Variants in ELOC observed in about 807,000 individuals in gnomAD.
The protein encoded by ELOC is elongin-C.
For missense variants in ELOC, 38 were observed against 139.0 expected (o/e 0.27, Z 3.65); for synonymous variants, 40 against 51.3 (o/e 0.78, Z 0.94).
rs530007053 is a variant in ELOC, at chr8:73,952,555, C to A, written c.148+3356G>T. Among the ~76,000 whole-genome samples the A allele has an allele frequency of 3.3e-3, 489 of 148,722 alleles. 1 individual carries two copies. Among genetic ancestry groups the A allele is most frequent in the Admixed American group, 6.4e-3 (95 of 14,856 alleles). ...CAGCACTTTGGGAGGCTGAGATGGG[C>A]GGATCATGAGGTCAGGAGATCAAGA... is the stretch of plus-strand genomic sequence containing the variant. On this transcript the variant is annotated intron_variant, in intron 3 of 3. Transcript: ENST00000520242.
At chr8:73,960,947 AAAAT>A (rs34735828) in intron 1 of ELOC, among the ~76,000 whole-genome samples, 85,774 of 150,970 alleles carry the variant, frequency 0.57, 25,809 homozygotes, top group African/African-American at 0.78. Flanking sequence ...TCCTATCTCT[AAAAT>A]AAATAAATAA....
At chr8:73,970,285 A>T (rs1187789252) in intron 1 of ELOC, among the ~76,000 whole-genome samples, 2 of 152,226 alleles carry the variant, frequency 1.3e-5, no homozygotes, top group African/African-American at 2.4e-5. Flanking sequence ...GATTTCCCTG[A>T]TTATTTTCCA....
rs558598343 is a variant in ELOC, at chr8:73,962,426, C to T, written c.-50-2608G>A. On this transcript the variant is annotated intron_variant, in intron 1 of 3. Coordinates refer to ENST00000520242, the MANE Select transcript of ELOC (RefSeq NM_005648.4). ...TAAACTTAATTGCCACAATTCCCAA[C>T]AGCTACTGATGTAAATCCTCAAATA... Among the ~76,000 whole-genome samples, 9 of 152,272 alleles carry T rather than the reference C, an allele frequency of 5.9e-5. No homozygotes were observed. In the East Asian group the frequency reaches 1.2e-3, roughly 20 times the overall value.
chr8:73,965,126 G>A (rs1033956046), intron 1 of ELOC, among the ~76,000 whole-genome samples: 3 of 149,714 alleles, frequency 2.0e-5, no homozygotes, highest in Non-Finnish European at 4.4e-5. Flanking sequence ...TTCACAACGC[G>A]TATCTGACAA....
At chr8:73,962,575 C>CA (rs71561555) in intron 1 of ELOC, among the ~76,000 whole-genome samples, 12,039 of 146,144 alleles carry the variant, frequency 0.082, 610 homozygotes, top group Middle Eastern at 0.27. Context: ...AAAAACAAAA[C>CA]AAAAAAAAAA....
chr8:73,957,717 C>T (rs1160468796), intron 2 of ELOC, among the ~76,000 whole-genome samples: 7 of 152,146 alleles, frequency 4.6e-5, no homozygotes, highest in Admixed American at 3.3e-4. Flanking sequence ...ACTAAAGAGA[C>T]AAGTTAATGC....
chr8:73,959,417 T>TA (rs144684387), intron 2 of ELOC, among the ~76,000 whole-genome samples: 2,500 of 152,332 alleles, frequency 0.016, 115 homozygotes, highest in East Asian at 0.13. Flanking sequence ...TTTTCTATTT[T>TA]AAAAAATTGT....
intron 2 of ELOC, 76 bp from the exon 3 acceptor site, chr8:73,956,130 G>A (rs1814165784): frequency 1.4e-6 from 2 of 1,418,908 alleles, no homozygotes; most frequent in South Asian, 2.6e-5. Context: ...GCTGGGCGCA[G>A]TGGCTCACGC....
At chr8:73,950,283 GAAT>G (rs1813664347) in intron 3 of ELOC, among the ~76,000 whole-genome samples, 4 of 152,134 alleles carry the variant, frequency 2.6e-5, no homozygotes, top group Admixed American at 2.6e-4. Context: ...GCACCAGTAA[GAAT>G]GACTGCAACA....
In ELOC at chr8:73,956,188, C is replaced by T. The variant is rs570577002; in HGVS notation, c.5-134G>A. On this transcript the variant is annotated intron_variant, in intron 2 of 3. Transcript: ENST00000520242. ...GGCCAATCACCTGAGGTCAGGAGTT[C>T]AAGACCAGCCTGGTCAAACAAGCCC... 1.6e-4 allele frequency: 117 copies of T among 732,618 alleles called. No individual in the cohort carries two copies. The African/African-American group carries it at 2.0e-3, about 12-fold the overall frequency. 45.4% of individuals were successfully genotyped at this position (732,618 alleles called of 1,614,324 possible).
intron 3 of ELOC, 108 bp downstream of exon 3, chr8:73,955,803 G>A (rs1307828038): frequency 8.1e-7 from 1 of 1,229,856 alleles, no homozygotes; most frequent in Non-Finnish European, 1.2e-6. Context: ...ATACAACAAT[G>A]TTAGAAGACT....
chr8:73,963,053 G>T (rs1309451681), intron 1 of ELOC, among the ~76,000 whole-genome samples: 1 of 152,172 alleles, frequency 6.6e-6, no homozygotes, highest in Non-Finnish European at 1.5e-5. Flanking sequence ...TAGGGGAACC[G>T]CTGGATTGAG....
At chr8:73,953,772 A>C (rs969253713) in intron 3 of ELOC, among the ~76,000 whole-genome samples, 8 of 152,222 alleles carry the variant, frequency 5.3e-5, no homozygotes, top group Non-Finnish European at 1.0e-4. Flanking sequence ...AGCCACCGTG[A>C]AACAGTTCTG....
In ELOC at chr8:73,955,896, CAG is replaced by C. The variant is rs774550266; in HGVS notation, c.148+13_148+14del. On this transcript the variant is annotated intron_variant, in intron 3 of 3. Coordinates refer to ENST00000520242, the MANE Select transcript of ELOC (RefSeq NM_005648.4). The stretch of plus-strand genomic sequence containing the variant: ...AAAAGTGAATATATGAAGAAAAAGA[CAG>C]AACTGTGCTTACCTGGGCCACTCAA... The C allele has an allele frequency of 1.3e-6, 2 of 1,591,060 alleles. No homozygotes were observed. Among genetic ancestry groups the C allele is most frequent in the Non-Finnish European group, 8.6e-7 (1 of 1,166,764 alleles).
rs956165788 is a variant in ELOC, at chr8:73,946,272, A to C, written c.*358T>G. The stretch of plus-strand genomic sequence containing the variant: ...TTAGGTTTCTAAAAAACCACTAAAA[A>C]CATAAAAATACTTAGCCTCATTATT... On this transcript the variant is annotated 3_prime_UTR_variant, in exon 4 of 4. Transcript: ENST00000520242. The C allele has an allele frequency of 6.0e-6, 1 of 165,820 alleles. No homozygotes were observed. The highest frequency in any genetic ancestry group is 1.3e-5 in the Non-Finnish European group (1 of 77,118). 10.3% of individuals were successfully genotyped at this position (165,820 alleles called of 1,614,324 possible).
At chr8:73,958,869 T>C (rs968469499) in intron 2 of ELOC, among the ~76,000 whole-genome samples, 6 of 152,202 alleles carry the variant, frequency 3.9e-5, no homozygotes, top group South Asian at 2.1e-4. Context: ...GGCAATCTTA[T>C]CATGATGCAA....
At chr8:73,963,547 AT>A (rs540719433) in intron 1 of ELOC, among the ~76,000 whole-genome samples, 28 of 152,338 alleles carry the variant, frequency 1.8e-4, no homozygotes, top group African/African-American at 6.7e-4. Context: ...CAGAACTCAT[AT>A]AAGTTTTAAT....
At position 73,945,136 on chromosome 8, in the gene ELOC, T is replaced by C. The variant is rs2131044545; in HGVS notation, c.*1494A>G. ...GTCTTTTTTTTTTTTTTTTTTTTTT[T>C]TGAGACAGTCTCGCTCTGTCACCCA... On this transcript the variant is annotated 3_prime_UTR_variant, in exon 4 of 4. Coordinates refer to ENST00000520242, the MANE Select transcript of ELOC (RefSeq NM_005648.4). 1.4e-5 allele frequency: 2 copies of C among 146,306 alleles called. No individual in the cohort carries two copies. The highest frequency in any genetic ancestry group is 4.3e-4 in the South Asian group (2 of 4,628). The allele number at this position is 146,306 out of a possible 1,614,324, so 9.1% of individuals were successfully genotyped here.
intron 2 of ELOC, 136 bp from the exon 3 acceptor site, chr8:73,956,190 A>C: frequency 1.4e-6 from 1 of 737,942 alleles, no homozygotes; most frequent in Non-Finnish European, 2.2e-6. Context: ...CAGGAGTTCA[A>C]GACCAGCCTG....
Sources: allele counts gnomAD v4.1 joint callset (sites outside exome capture counted in the v4.1 genomes callset), GRCh38; gene constraint gnomAD v4.1.1; transcripts MANE v1.5; gene names NCBI Gene and HGNC (gene_info 2026-07-23, HGNC 2026-07-21).